SGCZ: variants seen among roughly 807,000 people sequenced by gnomAD.
SGCZ encodes zeta-sarcoglycan.
Under a neutral mutation model 41.3 loss-of-function variants are expected in SGCZ, and 40 were observed. That is an observed-to-expected ratio of 0.97 (90% confidence interval 0.75 to 1.26). The LOEUF (loss-of-function observed/expected upper bound fraction) is 1.26. Ranked by LOEUF, SGCZ falls within the 50% of genes most tolerant of loss-of-function variation. The pLI is 0.00. For synonymous variants in SGCZ, 206 were observed against 137.5 expected, an observed-to-expected ratio of 1.50 and a Z score of -3.49; for missense variants, 552 against 369.8, an observed-to-expected ratio of 1.49 and a Z score of -4.04.
At chr8:15,046,463 G>T (rs1253498827) in intron 1 of SGCZ, among the ~76,000 whole-genome samples, 1 of 151,632 alleles carries the variant, frequency 6.6e-6, no homozygotes. Context: ...TATTTATCTT[G>T]ATGCTAAAAT....
At chr8:15,186,262 CAAAAAA>C (rs61237091) in intron 1 of SGCZ, among the ~76,000 whole-genome samples, 1 of 80,716 alleles carries the variant, frequency 1.2e-5, no homozygotes, top group East Asian at 3.1e-4. Flanking sequence ...GATTCCGTAC[CAAAAAA>C]AAAAAAAAAA....
At chr8:14,688,163 T>C (rs902832109) in intron 1 of SGCZ, among the ~76,000 whole-genome samples, 1 of 152,160 alleles carries the variant, frequency 6.6e-6, no homozygotes, top group African/African-American at 2.4e-5. Flanking sequence ...ACTCTGATGG[T>C]AGTTTCTTTT....
rs79598892 is a variant in SGCZ at position 14,831,124 on chromosome 8, C to T, written c.40-276198G>A. The stretch of plus-strand genomic sequence containing the variant: ...TCTGTAGCCTAATATGACTCTCTTC[C>T]AATTGAAAAGTGTATATGTCCATGA... On this transcript the variant is annotated intron_variant, in intron 1 of 7. Transcript: ENST00000382080. 9.5e-4 allele frequency among the ~76,000 whole-genome samples: 145 copies of T among 152,170 alleles called. 1 individual carries two copies. In the East Asian group the frequency reaches 0.027, roughly 28 times the overall value.
intron 3 of SGCZ, among the ~76,000 whole-genome samples, chr8:14,318,740 C>G (rs1801809743): frequency 6.6e-6 from 1 of 151,952 alleles, no homozygotes; most frequent in African/African-American, 2.4e-5. Flanking sequence ...TTTCCCTTTC[C>G]AACCACAATC....
At chr8:14,235,784 G>A (rs201384466) in intron 4 of SGCZ, among the ~76,000 whole-genome samples, 26 of 152,108 alleles carry the variant, frequency 1.7e-4, no homozygotes, top group Non-Finnish European at 1.6e-4. Context: ...TCCTGGGTTC[G>A]AGTGATTCTC....
At chr8:14,160,960 A>G (rs1215302211) in intron 5 of SGCZ, among the ~76,000 whole-genome samples, 1 of 152,224 alleles carries the variant, frequency 6.6e-6, no homozygotes, top group Non-Finnish European at 1.5e-5. Flanking sequence ...TAAAGCTGCA[A>G]GGCATCCATT....
At chr8:14,362,573 T>A (rs534618023) in intron 2 of SGCZ, among the ~76,000 whole-genome samples, 12 of 152,280 alleles carry the variant, frequency 7.9e-5, no homozygotes, top group African/African-American at 2.9e-4. Context: ...TAGGCAGAAG[T>A]GTACTGCTCC....
At chr8:14,331,759 T>C (rs1802333939) in intron 2 of SGCZ, among the ~76,000 whole-genome samples, 7 of 151,904 alleles carry the variant, frequency 4.6e-5, no homozygotes, top group Admixed American at 3.9e-4. Flanking sequence ...GTTTTTAATA[T>C]ACTTTTGTAT....
chr8:14,265,329 C>T (rs901802250), intron 3 of SGCZ, among the ~76,000 whole-genome samples: 4 of 152,200 alleles, frequency 2.6e-5, no homozygotes, highest in Non-Finnish European at 5.9e-5. Flanking sequence ...AAACAAAAGA[C>T]GTCATTTTCT....
chr8:14,696,600 T>C (rs955311370), intron 1 of SGCZ, among the ~76,000 whole-genome samples: 1 of 152,148 alleles, frequency 6.6e-6, no homozygotes, highest in African/African-American at 2.4e-5. Flanking sequence ...TGGCCTTTTA[T>C]TTTCAACATT....
intron 1 of SGCZ, among the ~76,000 whole-genome samples, chr8:15,005,750 T>A (rs1213202480): frequency 1.3e-5 from 2 of 152,092 alleles, no homozygotes; most frequent in African/African-American, 4.8e-5. Context: ...CCTTAGCTGA[T>A]ATTTAACCTT....
At chr8:14,917,664 C>T (rs375175663) in intron 1 of SGCZ, among the ~76,000 whole-genome samples, 1 of 152,080 alleles carries the variant, frequency 6.6e-6, no homozygotes, top group African/African-American at 2.4e-5. Flanking sequence ...ACTTTACATC[C>T]TATTTCTACA....
intron 1 of SGCZ, among the ~76,000 whole-genome samples, chr8:14,900,823 T>G (rs1252340403): frequency 1.3e-5 from 2 of 152,174 alleles, no homozygotes; most frequent in Non-Finnish European, 2.9e-5. Flanking sequence ...TTCAGAATCT[T>G]TCCTTAAAAA....
chr8:15,053,131 T>C (rs1804577515), intron 1 of SGCZ, among the ~76,000 whole-genome samples: 1 of 152,134 alleles, frequency 6.6e-6, no homozygotes, highest in Admixed American at 6.6e-5. Context: ...AAATTCCAAG[T>C]GTCCTCTCTT....
chr8:14,602,914 G>A (rs545858072), intron 1 of SGCZ, among the ~76,000 whole-genome samples: 1 of 152,262 alleles, frequency 6.6e-6, no homozygotes, highest in South Asian at 2.1e-4. Flanking sequence ...AGGAAATGGA[G>A]ATTTGATAAG....
intron 1 of SGCZ, among the ~76,000 whole-genome samples, chr8:14,570,111 G>A (rs931103496): frequency 2.6e-5 from 4 of 151,928 alleles, no homozygotes; most frequent in Admixed American, 6.6e-5. Context: ...TTTCTGTCAC[G>A]TCCATTAGAA....
chr8:14,791,437 C>G (rs1421762600), intron 1 of SGCZ, among the ~76,000 whole-genome samples: 1 of 151,782 alleles, frequency 6.6e-6, no homozygotes, highest in African/African-American at 2.4e-5. Flanking sequence ...CTGAACAAAT[C>G]TAGCTCACAC....
intron 3 of SGCZ, among the ~76,000 whole-genome samples, chr8:14,248,149 G>A (rs780166195): frequency 6.6e-6 from 1 of 152,078 alleles, no homozygotes; most frequent in South Asian, 2.1e-4. Context: ...ACTCCCCAGT[G>A]GTGAGCTGGT....
At chr8:14,999,797 G>A (rs769145536) in intron 1 of SGCZ, among the ~76,000 whole-genome samples, 4 of 152,120 alleles carry the variant, frequency 2.6e-5, no homozygotes, top group Non-Finnish European at 5.9e-5. Context: ...CAAAGTAATG[G>A]GGAAGTAACC....
Sources: gnomAD v4.1 joint callset for allele counts (sites outside exome capture counted in the v4.1 genomes callset) on GRCh38, gnomAD v4.1.1 for gene constraint, MANE v1.5 for transcripts, NCBI Gene and HGNC (gene_info 2026-07-23, HGNC 2026-07-21) for gene names.